Variants in SYT6 observed in about 807,000 individuals in gnomAD.
SYT6 encodes the protein synaptotagmin-6.
Under a neutral mutation model 38.4 loss-of-function variants are expected in SYT6, and 24 were observed. The observed-to-expected ratio is 0.62, with a 90% CI of 0.45 to 0.88. The LOEUF (loss-of-function observed/expected upper bound fraction) is 0.88, where lower values mean the gene tolerates loss of function less well. SYT6 is among the 40% of genes least tolerant of loss of function. The probability of loss-of-function intolerance (pLI) is 0.00; values close to 1 mark genes in which losing one functional copy is unlikely to be tolerated. For synonymous variants in SYT6, 265 were observed against 241.9 expected (o/e 1.10, Z -0.89); for missense variants, 611 against 621.0 (o/e 0.98, Z 0.17).
chr1:114,151,475 A>G (rs932230298), intron 1 of SYT6, among the ~76,000 whole-genome samples: 2 of 152,140 alleles, frequency 1.3e-5, no homozygotes, highest in Non-Finnish European at 2.9e-5. Flanking sequence ...ATTCCAGATT[A>G]TGGGTATCTC....
chr1:114,116,122 C>T (rs985268914), intron 3 of SYT6, among the ~76,000 whole-genome samples: 9 of 152,316 alleles, frequency 5.9e-5, no homozygotes, highest in African/African-American at 2.2e-4. Flanking sequence ...ATGGTGTCAC[C>T]CTGCGTTACA....
intron 3 of SYT6, among the ~76,000 whole-genome samples, chr1:114,134,019 G>A (rs1363832682): frequency 6.6e-6 from 1 of 152,204 alleles, no homozygotes; most frequent in East Asian, 1.9e-4. Flanking sequence ...ACCTGCCAGG[G>A]CCGAATCCGA....
At position 114,131,715 on chromosome 1, in the gene SYT6, G is replaced by T. The variant is rs550121165; in HGVS notation, c.1071+5780C>A. Among the ~76,000 whole-genome samples the T allele has an allele frequency of 8.6e-4, 131 of 152,284 alleles. 1 individual carries two copies. The highest frequency in any genetic ancestry group is 2.8e-3 in the Admixed American group (43 of 15,296). On this transcript the variant is annotated intron_variant, in intron 3 of 7. Coordinates refer to ENST00000610222, the MANE Select transcript of SYT6 (RefSeq NM_001253772.2). ...TTCAACAAGTGCCCAATGATGCACT[G>T]ACCGGCACATAGTCAGCATTCAATG...
At chr1:114,145,290 C>T (rs1679099626) in intron 1 of SYT6, among the ~76,000 whole-genome samples, 1 of 152,148 alleles carries the variant, frequency 6.6e-6, no homozygotes, top group Non-Finnish European at 1.5e-5. Context: ...TCTATTCACT[C>T]ATTTAATCCT....
intron 3 of SYT6, among the ~76,000 whole-genome samples, chr1:114,110,340 C>G (rs1156283977): frequency 2.0e-5 from 3 of 152,180 alleles, no homozygotes; most frequent in Non-Finnish European, 4.4e-5. Flanking sequence ...GTACACTAAG[C>G]AAGATGGTAC....
chr1:114,108,909 A>G (rs1387043203), intron 3 of SYT6, among the ~76,000 whole-genome samples: 1 of 152,190 alleles, frequency 6.6e-6, no homozygotes, highest in Non-Finnish European at 1.5e-5. Flanking sequence ...ATCAGCAGAG[A>G]AGCATCCGCT....
intron 3 of SYT6, among the ~76,000 whole-genome samples, chr1:114,116,181 CCTGGCCTCAGCCCGTCATTT>C (rs1185348343): frequency 6.6e-6 from 1 of 152,152 alleles, no homozygotes; most frequent in African/African-American, 2.4e-5. Flanking sequence ...AGTGCAGCAC[CCTGGCCTCAGCCCGTCATTT>C]CTCACGAAAG....
chr1:114,098,829 A>C (rs1279324448), intron 5 of SYT6, among the ~76,000 whole-genome samples: 1 of 152,216 alleles, frequency 6.6e-6, no homozygotes, highest in Non-Finnish European at 1.5e-5. Context: ...AAGAATGGGA[A>C]TAGCAAGGGG....
At chr1:114,124,169 A>T (rs1677590338) in intron 3 of SYT6, among the ~76,000 whole-genome samples, 1 of 152,256 alleles carries the variant, frequency 6.6e-6, no homozygotes. Context: ...GCCAATGGCC[A>T]TAGCAATTCT....
chr1:114,096,164 G>T (rs1245463024), intron 6 of SYT6, among the ~76,000 whole-genome samples: 1 of 152,180 alleles, frequency 6.6e-6, no homozygotes, highest in Non-Finnish European at 1.5e-5. Context: ...ACAGCCTTCA[G>T]TGAGGTGCTG....
rs1054680944 is a variant in SYT6 at position 114,091,841 on chromosome 1, A to G, written c.*293T>C. The G allele has an allele frequency of 1.2e-5, 7 of 595,436 alleles. No homozygotes were observed. Among genetic ancestry groups the G allele is most frequent in the South Asian group, 9.1e-5 (4 of 43,924 alleles). 36.9% of individuals were successfully genotyped at this position (595,436 alleles called of 1,614,324 possible). A position where few individuals can be genotyped will look rare whatever the true frequency, so the allele number is the denominator to read the frequency against. ...GACACAAAAGACTAAGACAGATCTG[A>G]CCACATGACAAGTGTCTCAGCTTTG... On this transcript the variant is annotated 3_prime_UTR_variant, in exon 8 of 8. Coordinates refer to ENST00000610222, the MANE Select transcript of SYT6 (RefSeq NM_001253772.2).
intron 6 of SYT6, among the ~76,000 whole-genome samples, chr1:114,095,024 T>C (rs1455571671): frequency 6.6e-6 from 1 of 152,192 alleles, no homozygotes; most frequent in Non-Finnish European, 1.5e-5. Context: ...TAAATAAACG[T>C]GAACTATGGA....
chr1:114,124,965 C>T lies in SYT6; in HGVS notation c.1071+12530G>A, dbSNP rs75468028. 6.9e-3 allele frequency among the ~76,000 whole-genome samples: 1,048 copies of T among 152,354 alleles called. 5 individuals carry two copies. The highest frequency in any genetic ancestry group is 0.026 in the South Asian group (127 of 4,826). On this transcript the variant is annotated intron_variant, in intron 3 of 7. Transcript: ENST00000610222. ...GAGGAATGAATAAACAATGCACTTACAGCCTGGCACACAGGAGGCCAAGAA... is the reference window on the plus strand; with the variant it reads ...GAGGAATGAATAAACAATGCACTTATAGCCTGGCACACAGGAGGCCAAGAA...
chr1:114,140,982 G>A (rs1489188647), intron 1 of SYT6, among the ~76,000 whole-genome samples: 1 of 152,172 alleles, frequency 6.6e-6, no homozygotes, highest in Non-Finnish European at 1.5e-5. Flanking sequence ...CAACCTAATT[G>A]ATAAATGTTG....
rs749349755 is a variant in SYT6 at position 114,092,079 on chromosome 1, G to A, written c.*55C>T. 3.3e-6 allele frequency: 5 copies of A among 1,536,142 alleles called. No individual in the cohort carries two copies. In the East Asian group the frequency reaches 1.2e-4, roughly 37 times the overall value. ...CTGTCGAAGCTAGCAGCTCGGCCCT[G>A]CCACTGCAAAGAGGAGAACAATCTG... is the stretch of plus-strand genomic sequence containing the variant. On this transcript the variant is annotated 3_prime_UTR_variant, in exon 8 of 8. Transcript: ENST00000610222.
rs574930416 is a variant in SYT6, at chr1:114,101,843, C to T, written c.1192+1758G>A. Among the ~76,000 whole-genome samples the T allele has an allele frequency of 3.9e-5, 6 of 152,290 alleles. No individual in the cohort carries two copies. In the South Asian group the frequency reaches 1.2e-3, roughly 32 times the overall value. On this transcript the variant is annotated intron_variant, in intron 4 of 7. Transcript: ENST00000610222. The stretch of plus-strand genomic sequence containing the variant: ...TCGGTATCTATTTATTGAATGCTTA[C>T]TGTGTTTTATCCACTGTTCCAGATA...
At position 114,139,062 on chromosome 1, in the gene SYT6, GTTTTTGTCGTTATGTTTTTCTTGTTGCTA is replaced by G. The variant is rs1366109017; in HGVS notation, c.512+524_512+552del. Among the ~76,000 whole-genome samples the G allele has an allele frequency of 4.6e-5, 7 of 152,330 alleles. No individual in the cohort carries two copies. The South Asian group carries it at 1.0e-3, about 23-fold the overall frequency. On this transcript the variant is annotated intron_variant, in intron 2 of 7. Transcript: ENST00000610222. ...AAAAGTGCTTCTGAATTTAGGGTAGGTTTTTGTCGTTATGTTTTTCTTGTTGCTATTTTCAGTTAAAGGATGCTGTATGT... is the reference window on the plus strand; with the variant it reads ...AAAAGTGCTTCTGAATTTAGGGTAGGTTTTCAGTTAAAGGATGCTGTATGT...
At chr1:114,123,092 G>A (rs1226339942) in intron 3 of SYT6, among the ~76,000 whole-genome samples, 3 of 152,128 alleles carry the variant, frequency 2.0e-5, no homozygotes, top group African/African-American at 7.2e-5. Context: ...CTGATGTATT[G>A]ATCCTGTGAG....
intron 5 of SYT6, among the ~76,000 whole-genome samples, chr1:114,098,789 G>T (rs1675798019): frequency 6.6e-6 from 1 of 152,202 alleles, no homozygotes; most frequent in Non-Finnish European, 1.5e-5. Context: ...GCATTTCAAA[G>T]GCCAGATAAT....
Sources: gnomAD v4.1 joint callset for allele counts (sites outside exome capture counted in the v4.1 genomes callset) on GRCh38, gnomAD v4.1.1 for gene constraint, MANE v1.5 for transcripts, NCBI Gene and HGNC (gene_info 2026-07-23, HGNC 2026-07-21) for gene names.